The following CCDC149 variants were observed in gnomAD, a reference collection of about 807,000 sequenced individuals.
CCDC149 encodes coiled-coil domain-containing protein 149.
A neutral mutation model predicts 59.9 loss-of-function variants in CCDC149; 45 were observed. The observed-to-expected ratio is 0.75, with a 90% CI of 0.59 to 0.96. CCDC149 has a LOEUF of 0.96. Among genes scored for constraint, CCDC149 ranks in the 40% least tolerant of loss-of-function variants. The pLI, the probability that CCDC149 is intolerant of heterozygous loss-of-function variation, is 0.00. For synonymous variants in CCDC149, 245 were observed against 260.6 expected, an observed-to-expected ratio of 0.94 and a Z score of 0.58; for missense variants, 584 against 664.7, an observed-to-expected ratio of 0.88 and a Z score of 1.33.
At chr4:24,884,177 C>T (rs979172527) in intron 1 of CCDC149, among the ~76,000 whole-genome samples, 1 of 152,200 alleles carries the variant, frequency 6.6e-6, no homozygotes, top group Non-Finnish European at 1.5e-5. Flanking sequence ...CAACAACAAA[C>T]GGCATGTACA....
chr4:24,889,388 A>C (rs1720395256), intron 1 of CCDC149, among the ~76,000 whole-genome samples: 1 of 152,200 alleles, frequency 6.6e-6, no homozygotes, highest in African/African-American at 2.4e-5. Flanking sequence ...ACCTAGAGTG[A>C]ATTTGCTCTG....
Position 24,808,815 on chromosome 4 carries a change from C to T in CCDC149, c.1197G>A (p.Glu399=). 1 of 1,547,004 alleles carries T rather than the reference C, an allele frequency of 6.5e-7. No homozygotes were observed. Among genetic ancestry groups the T allele is most frequent in the South Asian group, 1.2e-5 (1 of 83,424 alleles). ...TTTCATCTTCTTCTTGCTTCTGAGCCTCCCCTGAAAACAGAACGAGGACAA... is the reference window on the plus strand; with the variant it reads ...TTTCATCTTCTTCTTGCTTCTGAGCTTCCCCTGAAAACAGAACGAGGACAA... Residue 399 remains glutamate, a synonymous_variant, in exon 13 of 13, where the codon GAG becomes GAA. Coordinates refer to ENST00000635206, the MANE Select transcript of CCDC149 (RefSeq NM_001330643.2).
chr4:24,922,433 C>T (rs901069691), intron 1 of CCDC149, among the ~76,000 whole-genome samples: 1 of 152,180 alleles, frequency 6.6e-6, no homozygotes, highest in Non-Finnish European at 1.5e-5. Context: ...TAATATTTGC[C>T]CTTCCTCCAT....
At chr4:24,833,532 G>C (rs1407981671) in intron 8 of CCDC149, among the ~76,000 whole-genome samples, 7 of 152,158 alleles carry the variant, frequency 4.6e-5, no homozygotes, top group Admixed American at 3.3e-4. Context: ...GCTGAGGCAG[G>C]AGAATCGCTT....
At chr4:24,889,339 C>G (rs17594493) in intron 1 of CCDC149, among the ~76,000 whole-genome samples, 23,349 of 152,178 alleles carry the variant, frequency 0.15, 1,888 homozygotes, top group South Asian at 0.25. Flanking sequence ...CCACCTCTCA[C>G]TTGTTGAAGA....
At chr4:24,820,289 G>C (rs943263676) in intron 11 of CCDC149, 2 of 264,326 alleles carry the variant, frequency 7.6e-6, no homozygotes, top group Non-Finnish European at 7.2e-6. Flanking sequence ...TTCTTGGAGG[G>C]GGTGATAAGC....
chr4:24,838,778 T>A (rs1244962627), intron 4 of CCDC149, among the ~76,000 whole-genome samples: 11 of 137,332 alleles, frequency 8.0e-5, no homozygotes, highest in South Asian at 4.6e-4. Flanking sequence ...TTAAAGAGTT[T>A]AAAAAAAAAA....
intron 1 of CCDC149, among the ~76,000 whole-genome samples, chr4:24,934,932 T>C (rs935422255): frequency 6.6e-6 from 1 of 152,148 alleles, no homozygotes; most frequent in Non-Finnish European, 1.5e-5. Flanking sequence ...CATGATCAGA[T>C]CTTTATATTT....
At position 24,819,911 on chromosome 4, in the gene CCDC149, T is replaced by C. The variant is rs1377845502; in HGVS notation, c.1140A>G (p.Pro380=). The change falls in exon 12 of 13, where the codon CCA becomes CCG. Residue 380 remains proline (P), a synonymous_variant. Coordinates refer to ENST00000635206, the MANE Select transcript of CCDC149 (RefSeq NM_001330643.2). Reference sequence around the variant, plus strand: ...TGGGCTGCTCGACAAACTTCAGCAGTGGGGATCTCGACCTCTGTCCACTAG... The same window carrying C: ...TGGGCTGCTCGACAAACTTCAGCAGCGGGGATCTCGACCTCTGTCCACTAG... 1.3e-6 allele frequency: 2 copies of C among 1,551,476 alleles called. No individual in the cohort carries two copies. Among genetic ancestry groups the C allele is most frequent in the East Asian group, 2.4e-5 (1 of 40,914 alleles).
chr4:24,967,797 G>A (rs1325480555), intron 1 of CCDC149, among the ~76,000 whole-genome samples: 1 of 152,010 alleles, frequency 6.6e-6, no homozygotes, highest in Non-Finnish European at 1.5e-5. Flanking sequence ...TTGGCAGCAT[G>A]TGGTTGGGCT....
intron 1 of CCDC149, 69 bp downstream of exon 1, chr4:24,912,748 G>C (rs760074866): frequency 1.9e-5 from 21 of 1,123,152 alleles, no homozygotes; most frequent in Non-Finnish European, 1.2e-5. Context: ...GGCCTCTCTG[G>C]GGGCGCGGGC....
intron 9 of CCDC149, chr4:24,830,283 C>T (rs1033441812): frequency 3.9e-5 from 6 of 152,278 alleles, no homozygotes; most frequent in African/African-American, 7.2e-5. Context: ...GAGGACATTT[C>T]GTGCTGCAGG....
chr4:24,859,255 A>C (rs1718220167), intron 3 of CCDC149, among the ~76,000 whole-genome samples: 1 of 152,230 alleles, frequency 6.6e-6, no homozygotes, highest in African/African-American at 2.4e-5. Context: ...CCAACCGTAC[A>C]CTAATATAAG....
chr4:24,896,973 C>G (rs1720880407), intron 1 of CCDC149, among the ~76,000 whole-genome samples: 1 of 152,152 alleles, frequency 6.6e-6, no homozygotes, highest in South Asian at 2.1e-4. Flanking sequence ...ATGCAGGACA[C>G]TGTGCTGGTC....
At chr4:24,823,690 C>A (rs1360423457) in intron 9 of CCDC149, among the ~76,000 whole-genome samples, 1 of 152,160 alleles carries the variant, frequency 6.6e-6, no homozygotes, top group Non-Finnish European at 1.5e-5. Flanking sequence ...ATATATATGG[C>A]TGTGGATTTA....
chr4:24,887,901 C>T (rs1720289694), intron 1 of CCDC149, among the ~76,000 whole-genome samples: 1 of 152,156 alleles, frequency 6.6e-6, no homozygotes, highest in African/African-American at 2.4e-5. Context: ...ATCATCAGCT[C>T]TTCTACTCCC....
intron 3 of CCDC149, among the ~76,000 whole-genome samples, chr4:24,859,348 A>G (rs1718228902): frequency 6.6e-6 from 1 of 152,146 alleles, no homozygotes; most frequent in Non-Finnish European, 1.5e-5. Flanking sequence ...TCAACTTTTA[A>G]TGTTTTCAAT....
At chr4:24,862,747 T>A (rs1478781436) in intron 3 of CCDC149, among the ~76,000 whole-genome samples, 1 of 152,208 alleles carries the variant, frequency 6.6e-6, no homozygotes, top group East Asian at 1.9e-4. Flanking sequence ...TATTTCCTGG[T>A]TGCTTTCCCA....
At chr4:24,926,534 A>G (rs1000990265) in intron 1 of CCDC149, among the ~76,000 whole-genome samples, 1 of 151,934 alleles carries the variant, frequency 6.6e-6, no homozygotes, top group African/African-American at 2.4e-5. Flanking sequence ...CTAATACTAC[A>G]TGTTTCTGTT....
Sources: gnomAD v4.1 joint callset for allele counts (sites outside exome capture counted in the v4.1 genomes callset) on GRCh38, gnomAD v4.1.1 for gene constraint, MANE v1.5 for transcripts, NCBI Gene and HGNC (gene_info 2026-07-23, HGNC 2026-07-21) for gene names.